Variants in AKAP7 observed in about 807,000 individuals in gnomAD.
AKAP7 encodes the protein A kinase (PRKA) anchor protein 7.
A neutral mutation model predicts 39.5 loss-of-function variants in AKAP7; 39 were observed. The observed-to-expected ratio is 0.99, with a 90% CI of 0.76 to 1.29. The LOEUF is 1.29. Among genes scored for constraint, AKAP7 ranks in the 50% most tolerant of loss-of-function variants. The pLI is 0.00. For synonymous variants in AKAP7, 140 were observed against 139.1 expected (o/e 1.01, Z -0.05); for missense variants, 414 against 407.7 (o/e 1.02, Z -0.13).
intron 4 of AKAP7, 139 bp downstream of exon 4, chr6:131,165,356 C>A: frequency 1.7e-6 from 1 of 588,880 alleles, no homozygotes; most frequent in Non-Finnish European, 2.9e-6. Flanking sequence ...AGTTAATATA[C>A]AGAATAAACT....
intron 5 of AKAP7, among the ~76,000 whole-genome samples, chr6:131,174,973 T>A (rs1585012834): frequency 6.6e-6 from 1 of 151,212 alleles, no homozygotes; most frequent in Non-Finnish European, 1.5e-5. Flanking sequence ...CTACTAATAG[T>A]CTACTATTGA....
At chr6:131,224,492 C>T (rs1300643068) in intron 7 of AKAP7, among the ~76,000 whole-genome samples, 6 of 151,980 alleles carry the variant, frequency 3.9e-5, no homozygotes, top group Non-Finnish European at 8.8e-5. Flanking sequence ...CTGAGAACTT[C>T]CTGATATTGT....
chr6:131,142,388 C>T (rs192393009), intron 1 of AKAP7, among the ~76,000 whole-genome samples: 4 of 152,358 alleles, frequency 2.6e-5, no homozygotes, highest in African/African-American at 9.6e-5. Flanking sequence ...GTTTCTCCAC[C>T]TCCAGCTGTG....
chr6:131,267,212 T>C (rs1312142884), intron 7 of AKAP7, among the ~76,000 whole-genome samples: 1 of 152,210 alleles, frequency 6.6e-6, no homozygotes, highest in Non-Finnish European at 1.5e-5. Context: ...TTGGTCACTT[T>C]GTAGTTTTGC....
rs1238363915 is a variant in AKAP7 at position 131,282,185 on chromosome 6, C to T, written c.*459C>T. 7 of 1,271,014 alleles carry T rather than the reference C, an allele frequency of 5.5e-6. No individual in the cohort carries two copies. The highest frequency in any genetic ancestry group is 3.8e-5 in the Admixed American group (1 of 26,536). 78.7% of individuals were successfully genotyped at this position (1,271,014 alleles called of 1,614,324 possible). A position where few individuals can be genotyped will look rare whatever the true frequency, so the allele number is the denominator to read the frequency against. On this transcript the variant is annotated 3_prime_UTR_variant, in exon 8 of 8. Coordinates refer to ENST00000431975, the MANE Select transcript of AKAP7 (RefSeq NM_016377.4). Reference sequence around the variant, plus strand: ...GGAATTGTCATCTGTACAATTAGTCCATAATGTTTCATGTTTGTCCTAAGT... The same window carrying T: ...GGAATTGTCATCTGTACAATTAGTCTATAATGTTTCATGTTTGTCCTAAGT...
intron 7 of AKAP7, among the ~76,000 whole-genome samples, chr6:131,249,170 A>G (rs762059401): frequency 1.3e-5 from 2 of 152,172 alleles, no homozygotes; most frequent in Non-Finnish European, 2.9e-5. Context: ...GATCTTCACA[A>G]TATTTCTAAT....
chr6:131,253,170 T>C, intron 7 of AKAP7: 1 of 1,421,004 alleles, frequency 7.0e-7, no homozygotes, highest in Non-Finnish European at 9.8e-7. Flanking sequence ...CGTTTGGTGG[T>C]GGTGGTAGAT....
At chr6:131,133,988 T>C (rs1014640704), upstream of AKAP7, among the ~76,000 whole-genome samples, 2 of 152,162 alleles carry the variant, frequency 1.3e-5, no homozygotes, top group Non-Finnish European at 2.9e-5. Flanking sequence ...GTTTGTTTGT[T>C]TGAGACAGGA....
intron 6 of AKAP7, among the ~76,000 whole-genome samples, chr6:131,208,730 G>A (rs565306245): frequency 6.6e-6 from 1 of 152,332 alleles, no homozygotes; most frequent in Non-Finnish European, 1.5e-5. Flanking sequence ...AATCTCAAGA[G>A]CTTACAACAA....
intron 7 of AKAP7, among the ~76,000 whole-genome samples, chr6:131,275,495 C>T (rs1404334485): frequency 6.6e-6 from 1 of 152,160 alleles, no homozygotes; most frequent in East Asian, 1.9e-4. Flanking sequence ...CAGCTATCTG[C>T]AGAAATTGTA....
At chr6:131,224,919 T>G (rs1810036549) in intron 7 of AKAP7, among the ~76,000 whole-genome samples, 1 of 150,116 alleles carries the variant, frequency 6.7e-6, no homozygotes, top group Non-Finnish European at 1.5e-5. Context: ...CCCGGCTAAT[T>G]TTTTTTTTAA....
intron 7 of AKAP7, among the ~76,000 whole-genome samples, chr6:131,248,438 T>A (rs896162146): frequency 2.6e-5 from 4 of 152,220 alleles, no homozygotes; most frequent in African/African-American, 9.6e-5. Flanking sequence ...TGAAGAACGT[T>A]CCCTGCAAAT....
intron 5 of AKAP7, among the ~76,000 whole-genome samples, chr6:131,181,395 A>T (rs543703792): frequency 1.9e-4 from 29 of 152,220 alleles, no homozygotes; most frequent in African/African-American, 7.0e-4. Context: ...TATCACTCCC[A>T]TTCGTTCCCT....
chr6:131,240,489 T>C (rs1325665571), intron 7 of AKAP7, among the ~76,000 whole-genome samples: 2 of 152,232 alleles, frequency 1.3e-5, no homozygotes, highest in East Asian at 1.9e-4. Flanking sequence ...TGTTTGGCTA[T>C]GCCCTGCCCC....
At chr6:131,279,279 T>C (rs1815007020) in intron 7 of AKAP7, among the ~76,000 whole-genome samples, 1 of 152,120 alleles carries the variant, frequency 6.6e-6, no homozygotes, top group Non-Finnish European at 1.5e-5. Flanking sequence ...ACTTTTTTTT[T>C]CTTCTTTTTT....
In AKAP7 at chr6:131,184,832, G is replaced by A; in HGVS notation, c.590-14629G>A. The A allele has an allele frequency of 3.4e-6, 5 of 1,473,388 alleles. No individual in the cohort carries two copies. The South Asian group carries it at 5.7e-5, about 17-fold the overall frequency. 91.3% of individuals were successfully genotyped at this position (1,473,388 alleles called of 1,614,324 possible). On this transcript the variant is annotated intron_variant, in intron 5 of 7. Coordinates refer to ENST00000431975, the MANE Select transcript of AKAP7 (RefSeq NM_016377.4). ...TGGGCATAGTGGTAACTGAGGCCTGGTCGGTTCTTGTAACGTTTTCCACAA... is the reference window on the plus strand; with the variant it reads ...TGGGCATAGTGGTAACTGAGGCCTGATCGGTTCTTGTAACGTTTTCCACAA...
chr6:131,266,148 G>T (rs750518665), intron 7 of AKAP7, among the ~76,000 whole-genome samples: 4 of 152,106 alleles, frequency 2.6e-5, no homozygotes, highest in Non-Finnish European at 5.9e-5. Context: ...CATTGTAGAG[G>T]ACAAGACTGG....
chr6:131,128,385 G>A, the AKAP7 span, among the ~76,000 whole-genome samples: 1 of 152,130 alleles, frequency 6.6e-6, no homozygotes, highest in Non-Finnish European at 1.5e-5. Flanking sequence ...TAGTGGGATG[G>A]ATAATAAACT....
intron 7 of AKAP7, among the ~76,000 whole-genome samples, chr6:131,235,160 T>C (rs1047338147): frequency 6.6e-6 from 1 of 152,152 alleles, no homozygotes; most frequent in Non-Finnish European, 1.5e-5. Flanking sequence ...CTGCGGTGTT[T>C]GGTTTTTTGT....
Sources: gnomAD v4.1 joint callset for allele counts (sites outside exome capture counted in the v4.1 genomes callset) on GRCh38, gnomAD v4.1.1 for gene constraint, MANE v1.5 for transcripts, NCBI Gene and HGNC (gene_info 2026-07-23, HGNC 2026-07-21) for gene names.